The following RWDD1 variants were observed in gnomAD, a reference collection of about 807,000 sequenced individuals.
RWDD1 encodes the protein RWD domain-containing protein 1.
Under a neutral mutation model 31.6 loss-of-function variants are expected in RWDD1, and 17 were observed. The ratio of observed to expected loss-of-function variants is 0.54; its 90% CI spans 0.37 to 0.81. RWDD1 has a LOEUF of 0.81. RWDD1 is among the 30% of genes least tolerant of loss of function. The probability of loss-of-function intolerance (pLI) is 0.00; values close to 1 mark genes in which losing one functional copy is unlikely to be tolerated. For synonymous variants in RWDD1, 78 were observed against 94.2 expected, an observed-to-expected ratio of 0.83 and a Z score of 0.99; for missense variants, 204 against 274.5, an observed-to-expected ratio of 0.74 and a Z score of 1.82.
At position 116,597,524 on chromosome 6, in the gene RWDD1, A is replaced by G. The variant is rs1399754144; in HGVS notation, c.*4423A>G. The G allele has an allele frequency of 6.6e-6, 1 of 152,094 alleles. No individual in the cohort carries two copies. Among genetic ancestry groups the G allele is most frequent in the African/African-American group, 2.4e-5 (1 of 41,402 alleles). 9.4% of individuals were successfully genotyped at this position (152,094 alleles called of 1,614,324 possible). On this transcript the variant is annotated 3_prime_UTR_variant, in exon 7 of 7. Coordinates refer to ENST00000466444, the MANE Select transcript of RWDD1 (RefSeq NM_015952.4). ...GGGTATTTAGCTCTGAAAATCCTTT[A>G]CTGTTGAATATTTAGATTGTTTTCA... is the stretch of plus-strand genomic sequence containing the variant.
At chr6:116,587,936 G>A (rs1056368678) in intron 3 of RWDD1, among the ~76,000 whole-genome samples, 1 of 152,084 alleles carries the variant, frequency 6.6e-6, no homozygotes, top group Admixed American at 6.6e-5. Context: ...TGTGATTTGT[G>A]GAGATTCATA....
intron 2 of RWDD1, among the ~76,000 whole-genome samples, chr6:116,582,242 T>C (rs1419890587): frequency 6.6e-6 from 1 of 150,878 alleles, no homozygotes; most frequent in Non-Finnish European, 1.5e-5. Context: ...CTTTTACTTA[T>C]AGTAGAATCA....
In RWDD1 at chr6:116,594,441, C is replaced by T. The variant is rs1011830020; in HGVS notation, c.*1340C>T. Reference sequence around the variant, plus strand: ...TCAAGTTAGATTTATGAACACTGATCCCCAGTCTGAATTTTAAAACAGCAA... The same window carrying T: ...TCAAGTTAGATTTATGAACACTGATTCCCAGTCTGAATTTTAAAACAGCAA... On this transcript the variant is annotated 3_prime_UTR_variant, in exon 7 of 7. Coordinates refer to ENST00000466444, the MANE Select transcript of RWDD1 (RefSeq NM_015952.4). 3.9e-5 allele frequency: 6 copies of T among 152,080 alleles called. No homozygotes were observed. Among genetic ancestry groups the T allele is most frequent in the Admixed American group, 2.6e-4 (4 of 15,272 alleles). 9.4% of individuals were successfully genotyped at this position (152,080 alleles called of 1,614,324 possible).
intron 3 of RWDD1, 145 bp downstream of exon 3, chr6:116,585,002 A>AT: frequency 5.8e-6 from 4 of 694,338 alleles, no homozygotes; most frequent in Non-Finnish European, 9.3e-6. Flanking sequence ...GAGCATCTTT[A>AT]TTTTTGTTTC....
Position 116,593,350 on chromosome 6 carries a change from A to G in RWDD1, c.*249A>G, listed in dbSNP as rs973329390. 1 of 296,178 alleles carries G rather than the reference A, an allele frequency of 3.4e-6. No individual in the cohort carries two copies. The highest frequency in any genetic ancestry group is 6.2e-6 in the Non-Finnish European group (1 of 161,904). The allele number at this position is 296,178 out of a possible 1,614,324, so 18.3% of individuals were successfully genotyped here. A position where few individuals can be genotyped will look rare whatever the true frequency, so the allele number is the denominator to read the frequency against. ...CTAGTATTTGAGAGAGATCCTGCCTATAGCACCAAGACTCGAAGGTAGGCT... is the reference window on the plus strand; with the variant it reads ...CTAGTATTTGAGAGAGATCCTGCCTGTAGCACCAAGACTCGAAGGTAGGCT... On this transcript the variant is annotated 3_prime_UTR_variant, in exon 7 of 7. Coordinates refer to ENST00000466444, the MANE Select transcript of RWDD1 (RefSeq NM_015952.4).
At chr6:116,591,072 G>T in intron 6 of RWDD1, 122 bp downstream of exon 6, 1 of 1,326,884 alleles carries the variant, frequency 7.5e-7, no homozygotes, top group South Asian at 2.2e-5. Flanking sequence ...ACCAGACTGG[G>T]CAACATAGTG....
At chr6:116,590,530 A>T in intron 5 of RWDD1, 126 bp downstream of exon 5, 1 of 1,186,530 alleles carries the variant, frequency 8.4e-7, no homozygotes, top group South Asian at 1.9e-5. Context: ...ACAAAAAGAG[A>T]AAACATATCT....
chr6:116,581,241 A>G (rs542813068), intron 2 of RWDD1, among the ~76,000 whole-genome samples: 2 of 152,258 alleles, frequency 1.3e-5, no homozygotes, highest in South Asian at 4.1e-4. Flanking sequence ...TGAAATAAAT[A>G]CTATACTGAC....
chr6:116,576,750 A>C (rs976773771), intron 1 of RWDD1, among the ~76,000 whole-genome samples: 9 of 152,238 alleles, frequency 5.9e-5, no homozygotes, highest in African/African-American at 2.2e-4. Context: ...TTAACAAGTA[A>C]ATGAGACTAG....
rs200865262 is a variant in RWDD1, at chr6:116,571,575, G to A, written c.-8G>A. On this transcript the variant is annotated 5_prime_UTR_variant, in exon 1 of 7. Transcript: ENST00000466444. ...CTGGGCGATCTATGGGCAAGAGCAA[G>A]GGCCACGATGACAGATTACGGCGAG... is the stretch of plus-strand genomic sequence containing the variant. 47 of 1,612,848 alleles carry A rather than the reference G, an allele frequency of 2.9e-5. No individual in the cohort carries two copies. Among genetic ancestry groups the A allele is most frequent in the Non-Finnish European group, 4.2e-6 (5 of 1,179,668 alleles).
chr6:116,571,592 T>C lies in RWDD1; in HGVS notation c.10T>C (p.Tyr4His). Residue 4 changes from tyrosine to histidine, a missense_variant, in exon 1 of 7, where the codon TAC (tyrosine) becomes CAC (histidine). Physicochemically the swap from Tyr to His is moderately conservative, Grantham distance 83. Transcript: ENST00000466444. The stretch of plus-strand genomic sequence containing the variant: ...AAGAGCAAGGGCCACGATGACAGAT[T>C]ACGGCGAGGAGCAGCGCAACGAGCT... The part of the protein sequence containing the change: MTD[Y>H]GEEQRNELEA... The C allele has an allele frequency of 6.2e-7, 1 of 1,613,584 alleles. No homozygotes were observed. The highest frequency in any genetic ancestry group is 8.5e-7 in the Non-Finnish European group (1 of 1,179,878).
intron 2 of RWDD1, among the ~76,000 whole-genome samples, chr6:116,582,778 C>T (rs1774969159): frequency 6.6e-6 from 1 of 151,336 alleles, no homozygotes; most frequent in African/African-American, 2.4e-5. Context: ...TATTTTCTTC[C>T]TTGTGCTGAT....
At position 116,593,070 on chromosome 6, in the gene RWDD1, C is replaced by T. The variant is rs1390587022; in HGVS notation, c.701C>T (p.Pro234Leu). Residue 234 changes from proline to leucine, a missense_variant, in exon 7 of 7, where the codon CCT becomes CTT. Physicochemically the swap from Pro to Leu is moderately conservative, Grantham distance 98. Coordinates refer to ENST00000466444, the MANE Select transcript of RWDD1 (RefSeq NM_015952.4). The stretch of plus-strand genomic sequence containing the variant: ...GATGAAGATGATCCAGACTATAATC[C>T]TGCTGACCCAGAGAGTGACTCAGCT... Reference protein sequence around the residue: ...EDDEDDPDYNPADPESDSAD With the variant: ...EDDEDDPDYNLADPESDSAD 1 of 1,613,822 alleles carries T rather than the reference C, an allele frequency of 6.2e-7. No individual in the cohort carries two copies. Among genetic ancestry groups the T allele is most frequent in the Non-Finnish European group, 8.5e-7 (1 of 1,179,932 alleles).
In RWDD1 at chr6:116,571,673, A is replaced by T. The variant is rs1253262002; in HGVS notation, c.73+18A>T. The T allele has an allele frequency of 1.9e-6, 3 of 1,609,096 alleles. No individual in the cohort carries two copies. In the African/African-American group the frequency reaches 4.0e-5, roughly 22 times the overall value. ...CTTCACAGGTGACTCCCGCGGCCGC[A>T]AGCCTGTAGCCGCCCCGAGGTGGAG... On this transcript the variant is annotated intron_variant, in intron 1 of 6. Coordinates refer to ENST00000466444, the MANE Select transcript of RWDD1 (RefSeq NM_015952.4).
At chr6:116,583,553 AATC>A (rs1466629355) in intron 2 of RWDD1, among the ~76,000 whole-genome samples, 2 of 152,004 alleles carry the variant, frequency 1.3e-5, no homozygotes, top group African/African-American at 2.4e-5. Flanking sequence ...CACACACACA[AATC>A]ATAATGATAT....
At position 116,578,507 on chromosome 6, in the gene RWDD1, AGAAAGTGGTAATAAGTT is replaced by A. The variant is rs1231588210; in HGVS notation, c.74-1786_74-1770del. ...CTGACCTATAGCCTCAGGGAGTCAT[AGAAAGTGGTAATAAGTT>A]GGAATGTCATTGGGCTGATCCCTTA... is the stretch of plus-strand genomic sequence containing the variant. On this transcript the variant is annotated intron_variant, in intron 1 of 6. Transcript: ENST00000466444. 6.9e-4 allele frequency among the ~76,000 whole-genome samples: 105 copies of A among 151,900 alleles called. 1 individual carries two copies. The highest frequency in any genetic ancestry group is 2.4e-3 in the African/African-American group (100 of 41,138).
chr6:116,596,015 CA>C lies in RWDD1; in HGVS notation c.*2917del, dbSNP rs1022245116. 3 of 152,146 alleles carry C rather than the reference CA, an allele frequency of 2.0e-5. No homozygotes were observed. The highest frequency in any genetic ancestry group is 7.2e-5 in the African/African-American group (3 of 41,430). 9.4% of individuals were successfully genotyped at this position (152,146 alleles called of 1,614,324 possible). ...CTCCAGAGATACATGTGCCAAGAAG[CA>C]AAGAGATGCACTCTTGTATTCCAGA... On this transcript the variant is annotated 3_prime_UTR_variant, in exon 7 of 7. Transcript: ENST00000466444.
Position 116,571,591 on chromosome 6 carries a change from T to C in RWDD1, c.9T>C (p.Asp3=). 1 of 1,613,480 alleles carries C rather than the reference T, an allele frequency of 6.2e-7. No individual in the cohort carries two copies. The highest frequency in any genetic ancestry group is 8.5e-7 in the Non-Finnish European group (1 of 1,179,856). ...CAAGAGCAAGGGCCACGATGACAGA[T>C]TACGGCGAGGAGCAGCGCAACGAGC... is the stretch of plus-strand genomic sequence containing the variant. MT[D]YGEEQRNELE... The change falls in exon 1 of 7, where the codon GAT becomes GAC. Residue 3 remains aspartate, a synonymous_variant. Coordinates refer to ENST00000466444, the MANE Select transcript of RWDD1 (RefSeq NM_015952.4).
At chr6:116,573,017 T>C in intron 1 of RWDD1, 1 of 983,800 alleles carries the variant, frequency 1.0e-6, no homozygotes, top group Non-Finnish European at 1.2e-6. Context: ...CTCCCTTCTC[T>C]ATCCTTGCTT....
Sources: allele counts gnomAD v4.1 joint callset (sites outside exome capture counted in the v4.1 genomes callset), GRCh38; gene constraint gnomAD v4.1.1; transcripts MANE v1.5; gene names NCBI Gene and HGNC (gene_info 2026-07-23, HGNC 2026-07-21).